ST8SIA1: variants seen among roughly 807,000 people sequenced by gnomAD.
ST8SIA1 encodes ST8 alpha-N-acetyl-neuraminide alpha-2,8-sialyltransferase 1, also known as alpha-N-acetylneuraminide alpha-2,8-sialyltransferase.
In ST8SIA1, 16 loss-of-function variants were observed where a neutral mutation model predicts 35.9. That is an observed-to-expected ratio of 0.45 (90% CI 0.30 to 0.68). The LOEUF is 0.68. Among genes scored for constraint, ST8SIA1 ranks in the 30% least tolerant of loss-of-function variants. The pLI, the probability that ST8SIA1 is intolerant of heterozygous loss-of-function variation, is 0.09. For synonymous variants in ST8SIA1, 170 were observed against 169.6 expected, an observed-to-expected ratio of 1.00 and a Z score of -0.02; for missense variants, 383 against 453.6, an observed-to-expected ratio of 0.84 and a Z score of 1.41.
intron 4 of ST8SIA1, among the ~76,000 whole-genome samples, chr12:22,239,642 T>C (rs1865517382): frequency 6.6e-6 from 1 of 152,232 alleles, no homozygotes; most frequent in Non-Finnish European, 1.5e-5. Flanking sequence ...ATTAAATTCA[T>C]CTGGTACTTT....
intron 4 of ST8SIA1, among the ~76,000 whole-genome samples, chr12:22,230,343 T>C (rs2120690942): frequency 6.6e-6 from 1 of 152,316 alleles, no homozygotes; most frequent in Middle Eastern, 3.4e-3. Flanking sequence ...CTATAGACTC[T>C]GAATCCTGCC....
chr12:22,197,569 A>G lies in ST8SIA1; in HGVS notation c.*3983T>C, dbSNP rs1865003911. 1 of 152,212 alleles carries G rather than the reference A, an allele frequency of 6.6e-6. No homozygotes were observed. The highest frequency in any genetic ancestry group is 2.4e-5 in the African/African-American group (1 of 41,464). The allele number at this position is 152,212 out of a possible 1,614,324, so 9.4% of individuals were successfully genotyped here. On this transcript the variant is annotated 3_prime_UTR_variant, in exon 5 of 5. Coordinates refer to ENST00000396037, the MANE Select transcript of ST8SIA1 (RefSeq NM_003034.4). ...GGAATATGTAGCTGCTGACGAAAAG[A>G]AATGTTATCAATATTGTTTCCATTT...
chr12:22,241,797 C>A (rs1326508473), intron 4 of ST8SIA1, among the ~76,000 whole-genome samples: 1 of 151,930 alleles, frequency 6.6e-6, no homozygotes, highest in East Asian at 1.9e-4. Context: ...GGGTTTGAGG[C>A]CATCTCATTC....
chr12:22,265,942 T>A (rs145448104), intron 2 of ST8SIA1, among the ~76,000 whole-genome samples: 1 of 152,076 alleles, frequency 6.6e-6, no homozygotes, highest in East Asian at 1.9e-4. Context: ...ACACTTCCGA[T>A]CTTCATTGAA....
intron 2 of ST8SIA1, 131 bp from the exon 3 acceptor site, chr12:22,255,520 GA>G (rs1403977535): frequency 5.1e-6 from 4 of 791,708 alleles, no homozygotes; most frequent in Non-Finnish European, 8.4e-6. Context: ...CATGTGAAAA[GA>G]AAGATGCCAA....
At position 22,201,016 on chromosome 12, in the gene ST8SIA1, T is replaced by C. The variant is rs1865043146; in HGVS notation, c.*536A>G. ...AATCACAATTATCAGCAGTAACATT[T>C]TGTATCTTTATTACTCAGGAAGGGA... On this transcript the variant is annotated 3_prime_UTR_variant, in exon 5 of 5. Coordinates refer to ENST00000396037, the MANE Select transcript of ST8SIA1 (RefSeq NM_003034.4). 1.3e-5 allele frequency: 2 copies of C among 152,298 alleles called. No individual in the cohort carries two copies. The highest frequency in any genetic ancestry group is 2.1e-4 in the South Asian group (1 of 4,818). 9.4% of individuals were successfully genotyped at this position (152,298 alleles called of 1,614,324 possible). A position where few individuals can be genotyped will look rare whatever the true frequency, so the allele number is the denominator to read the frequency against.
chr12:22,325,895 G>A (rs2135845286), intron 1 of ST8SIA1: 1 of 701,382 alleles, frequency 1.4e-6, no homozygotes, highest in Non-Finnish European at 2.6e-6. Context: ...TGGATATTAA[G>A]TGACTCATGG....
intron 4 of ST8SIA1, among the ~76,000 whole-genome samples, chr12:22,208,846 T>C (rs1865144340): frequency 6.6e-6 from 1 of 152,180 alleles, no homozygotes; most frequent in African/African-American, 2.4e-5. Flanking sequence ...ATTTCCTTTA[T>C]GCCAAAAGTA....
At chr12:22,304,657 G>A (rs535942730) in intron 1 of ST8SIA1, among the ~76,000 whole-genome samples, 1 of 152,172 alleles carries the variant, frequency 6.6e-6, no homozygotes, top group East Asian at 1.9e-4. Context: ...AGGTTTTTAG[G>A]GAGAGTGTAG....
At chr12:22,249,213 GTTTTTTGT>G (rs1224776882) in intron 3 of ST8SIA1, 115 bp from the exon 4 acceptor site, 12 of 461,460 alleles carry the variant, frequency 2.6e-5, no homozygotes, top group African/African-American at 2.5e-4. Context: ...TAACTGTTTT[GTTTTTTGT>G]TTTTTTTTTT....
rs1393403820 is a variant in ST8SIA1 at position 22,334,300 on chromosome 12, G to A, written c.-68C>T. Reference sequence around the variant, plus strand: ...CAAAGCTAGGCGAAGTGGCAGCGGAGGGTCCCCCACCGCCAGCCCCCCATG... The same window carrying A: ...CAAAGCTAGGCGAAGTGGCAGCGGAAGGTCCCCCACCGCCAGCCCCCCATG... On this transcript the variant is annotated 5_prime_UTR_variant, in exon 1 of 5. Coordinates refer to ENST00000396037, the MANE Select transcript of ST8SIA1 (RefSeq NM_003034.4). 7.6e-7 allele frequency: 1 copy of A among 1,315,706 alleles called. No homozygotes were observed. The highest frequency in any genetic ancestry group is 1.2e-5 in the South Asian group (1 of 80,426). 81.5% of individuals were successfully genotyped at this position (1,315,706 alleles called of 1,614,324 possible).
intron 4 of ST8SIA1, among the ~76,000 whole-genome samples, chr12:22,220,950 C>T (rs1865291862): frequency 6.6e-6 from 1 of 152,156 alleles, no homozygotes; most frequent in Non-Finnish European, 1.5e-5. Flanking sequence ...CCTTTTTGCT[C>T]CATCAGTACT....
intron 4 of ST8SIA1, among the ~76,000 whole-genome samples, chr12:22,207,482 T>C (rs1865125304): frequency 6.6e-6 from 1 of 151,980 alleles, no homozygotes; most frequent in South Asian, 2.1e-4. Flanking sequence ...ACAAAAAAAA[T>C]CAGCTGAGGA....
In ST8SIA1 at chr12:22,326,887, G is replaced by A. The variant is rs138329135; in HGVS notation, c.236+7110C>T. On this transcript the variant is annotated intron_variant, in intron 1 of 4. Transcript: ENST00000396037. ...ATCTATCAAATCCATCATGAAGAGT[G>A]CATTAATGATACATAGTATCATTAT... Among the ~76,000 whole-genome samples, 17 of 152,250 alleles carry A rather than the reference G, an allele frequency of 1.1e-4. No homozygotes were observed. The East Asian group carries it at 2.9e-3, about 26-fold the overall frequency.
At chr12:22,327,088 C>T (rs1443602033) in intron 1 of ST8SIA1, among the ~76,000 whole-genome samples, 1 of 152,190 alleles carries the variant, frequency 6.6e-6, no homozygotes, top group Non-Finnish European at 1.5e-5. Flanking sequence ...ATTGATTATA[C>T]AGTACAGACC....
intron 4 of ST8SIA1, among the ~76,000 whole-genome samples, chr12:22,237,387 A>G (rs1865487443): frequency 6.6e-6 from 1 of 152,154 alleles, no homozygotes; most frequent in Non-Finnish European, 1.5e-5. Context: ...TGCAGGTGTG[A>G]GCCACTGTGC....
intron 1 of ST8SIA1, among the ~76,000 whole-genome samples, chr12:22,300,528 T>C (rs1343589568): frequency 2.6e-5 from 4 of 152,224 alleles, no homozygotes; most frequent in Non-Finnish European, 4.4e-5. Flanking sequence ...AAAAGGCTTA[T>C]TGAAGTTATA....
intron 4 of ST8SIA1, among the ~76,000 whole-genome samples, chr12:22,207,285 G>T (rs1012112754): frequency 6.6e-6 from 1 of 152,212 alleles, no homozygotes; most frequent in African/African-American, 2.4e-5. Context: ...CTACATTTAG[G>T]TAGACACTGA....
At position 22,194,484 on chromosome 12, in the gene ST8SIA1, T is replaced by A. The variant is rs1015708046; in HGVS notation, c.*7068A>T. The A allele has an allele frequency of 2.0e-5, 3 of 152,078 alleles. No homozygotes were observed. The highest frequency in any genetic ancestry group is 4.4e-5 in the Non-Finnish European group (3 of 68,012). 9.4% of individuals were successfully genotyped at this position (152,078 alleles called of 1,614,324 possible). On this transcript the variant is annotated 3_prime_UTR_variant, in exon 5 of 5. Coordinates refer to ENST00000396037, the MANE Select transcript of ST8SIA1 (RefSeq NM_003034.4). ...ACAACTTGGAACAGACATGATTACA[T>A]CTCTAAAGTGACAGAGGTATATGAA...
Sources: gnomAD v4.1 joint callset for allele counts (sites outside exome capture counted in the v4.1 genomes callset) on GRCh38, gnomAD v4.1.1 for gene constraint, MANE v1.5 for transcripts, NCBI Gene and HGNC (gene_info 2026-07-23, HGNC 2026-07-21) for gene names.